GRID2: variants seen among roughly 807,000 people sequenced by gnomAD.
GRID2 encodes glutamate receptor ionotropic, delta-2.
A neutral mutation model predicts 114.8 loss-of-function variants in GRID2; 33 were observed. The ratio of observed to expected loss-of-function variants is 0.29; its 90% confidence interval spans 0.22 to 0.38. GRID2 has a LOEUF of 0.38. Ranked by LOEUF, GRID2 falls within the 10% of genes least tolerant of loss-of-function variation. The pLI is 1.00. For missense variants in GRID2, 1,184 were observed against 1,257.7 expected (o/e 0.94, Z 0.89); for synonymous variants, 505 against 449.9 (o/e 1.12, Z -1.55).
intron 13 of GRID2, among the ~76,000 whole-genome samples, chr4:93,619,255 AT>A (rs1445902360): frequency 6.6e-6 from 1 of 152,216 alleles, no homozygotes; most frequent in Non-Finnish European, 1.5e-5. Context: ...ATCATGATTT[AT>A]TGTGCTGTAT....
At chr4:92,892,754 A>G (rs1047278158) in intron 2 of GRID2, among the ~76,000 whole-genome samples, 6 of 152,232 alleles carry the variant, frequency 3.9e-5, no homozygotes, top group African/African-American at 1.4e-4. Flanking sequence ...TAAAATCTAA[A>G]ATCATTTAAT....
At chr4:92,945,849 CA>C (rs140312145) in intron 2 of GRID2, among the ~76,000 whole-genome samples, 3,661 of 152,146 alleles carry the variant, frequency 0.024, 68 homozygotes, top group Middle Eastern at 0.041. Context: ...GTCTGCCTCC[CA>C]ACCCTCTAAG....
chr4:93,028,268 T>C (rs139879186), intron 2 of GRID2, among the ~76,000 whole-genome samples: 27 of 152,184 alleles, frequency 1.8e-4, no homozygotes, highest in African/African-American at 5.3e-4. Context: ...CTGACTTTGA[T>C]AGAGTGATAA....
intron 13 of GRID2, among the ~76,000 whole-genome samples, chr4:93,524,986 A>G (rs930908199): frequency 5.3e-5 from 8 of 151,886 alleles, no homozygotes; most frequent in Non-Finnish European, 1.0e-4. Context: ...CAGTGATTTA[A>G]TTCATGATGA....
chr4:92,652,881 A>ATATATTTATAAATACATATAAAT (rs1732019985), intron 2 of GRID2, among the ~76,000 whole-genome samples: 1 of 121,352 alleles, frequency 8.2e-6, no homozygotes, highest in Non-Finnish European at 1.7e-5. Flanking sequence ...AATATATAAA[A>ATATATTTATAAATACATATAAAT]ATATATTTAT....
intron 1 of GRID2, among the ~76,000 whole-genome samples, chr4:92,522,234 C>A (rs548852550): frequency 6.6e-6 from 1 of 151,846 alleles, no homozygotes; most frequent in Admixed American, 6.6e-5. Flanking sequence ...AACACATATT[C>A]TAAGGTTAAA....
chr4:93,579,132 A>G (rs1736723256), intron 13 of GRID2, among the ~76,000 whole-genome samples: 1 of 152,130 alleles, frequency 6.6e-6, no homozygotes, highest in Non-Finnish European at 1.5e-5. Flanking sequence ...GTACATTTTT[A>G]GAATTGTTGC....
At chr4:93,524,792 T>G (rs1262443309) in intron 13 of GRID2, among the ~76,000 whole-genome samples, 2 of 78,412 alleles carry the variant, frequency 2.6e-5, no homozygotes, top group Non-Finnish European at 4.8e-5. Context: ...TGTGTATATA[T>G]ATATATATAT....
At chr4:93,121,913 G>A (rs1275488945) in intron 4 of GRID2, among the ~76,000 whole-genome samples, 2 of 152,020 alleles carry the variant, frequency 1.3e-5, no homozygotes, top group African/African-American at 2.4e-5. Flanking sequence ...TATTTGCTTC[G>A]AGGATATTTT....
chr4:92,696,178 C>T (rs1032624347), intron 2 of GRID2, among the ~76,000 whole-genome samples: 7 of 152,050 alleles, frequency 4.6e-5, no homozygotes, highest in Admixed American at 2.6e-4. Context: ...ATATAAACCC[C>T]ATTACAGTCT....
In GRID2 at chr4:93,084,998, G is replaced by C. The variant is rs78241610; in HGVS notation, c.248G>C (p.Cys83Ser). 6.2e-7 allele frequency: 1 copy of C among 1,613,032 alleles called. No individual in the cohort carries two copies. The highest frequency in any genetic ancestry group is 8.5e-7 in the Non-Finnish European group (1 of 1,179,188). The change falls in exon 3 of 16, where the codon TGT becomes TCT. Residue 83 changes from cysteine to serine, a missense_variant. Around this residue, in one of 3 missense-constraint regions of GRID2, gnomAD observed 455 missense variants for 429.5 expected, o/e 1.06. Coordinates refer to ENST00000282020, the MANE Select transcript of GRID2 (RefSeq NM_001510.4). The part of the protein sequence containing the change: ...NNPFQAVQEA[C>S]ELMNQGILAL... The stretch of plus-strand genomic sequence containing the variant: ...ATATTACTGTGCTTTCTTGCAGCCT[G>C]TGAACTTATGAATCAAGGCATCTTG...
chr4:92,375,675 AAT>A (rs535049063), intron 1 of GRID2, among the ~76,000 whole-genome samples: 401 of 152,292 alleles, frequency 2.6e-3, no homozygotes, highest in Non-Finnish European at 4.3e-3. Context: ...AGATGTTGGA[AAT>A]ATCACAAATT....
intron 2 of GRID2, among the ~76,000 whole-genome samples, chr4:92,909,148 A>C (rs189980841): frequency 8.8e-4 from 134 of 152,216 alleles, no homozygotes; most frequent in Non-Finnish European, 1.7e-3. Context: ...TTTTATTTTA[A>C]GTAATTAGTG....
At chr4:93,678,924 A>G (rs1334837247) in intron 14 of GRID2, among the ~76,000 whole-genome samples, 1 of 150,996 alleles carries the variant, frequency 6.6e-6, no homozygotes, top group Non-Finnish European at 1.5e-5. Context: ...TTCACACATA[A>G]CAATATTAAC....
At chr4:93,628,718 G>T (rs1357175296) in intron 14 of GRID2, among the ~76,000 whole-genome samples, 1 of 151,018 alleles carries the variant, frequency 6.6e-6, no homozygotes, top group Non-Finnish European at 1.5e-5. Flanking sequence ...TGGTTAATTG[G>T]CTTTTTCATT....
At chr4:92,827,093 T>TA (rs1741758542) in intron 2 of GRID2, among the ~76,000 whole-genome samples, 1 of 152,106 alleles carries the variant, frequency 6.6e-6, no homozygotes, top group African/African-American at 2.4e-5. Context: ...TCCTCATATT[T>TA]CAATTCATGT....
intron 13 of GRID2, among the ~76,000 whole-genome samples, chr4:93,594,899 G>T (rs529663493): frequency 2.9e-4 from 44 of 152,168 alleles, no homozygotes; most frequent in Non-Finnish European, 5.4e-4. Flanking sequence ...GCAATGCCTC[G>T]CCCTGCTTCG....
intron 2 of GRID2, among the ~76,000 whole-genome samples, chr4:92,947,531 G>A (rs1455998181): frequency 6.6e-6 from 1 of 151,500 alleles, no homozygotes; most frequent in Non-Finnish European, 1.5e-5. Context: ...AACTTGCAAA[G>A]TTTCAGATTT....
At chr4:93,480,747 T>G (rs754795023) in intron 11 of GRID2, among the ~76,000 whole-genome samples, 1 of 152,004 alleles carries the variant, frequency 6.6e-6, no homozygotes, top group Non-Finnish European at 1.5e-5. Context: ...TATCTGAGAC[T>G]TCAGAGGAGA....
Sources: allele counts gnomAD v4.1 joint callset (sites outside exome capture counted in the v4.1 genomes callset), GRCh38; gene constraint gnomAD v4.1.1; regional missense constraint gnomAD v4.1.1; transcripts MANE v1.5; gene names NCBI Gene and HGNC (gene_info 2026-07-23, HGNC 2026-07-21).